Variants in CCT6B observed in about 807,000 individuals in gnomAD.
CCT6B encodes chaperonin containing TCP1 subunit 6B.
CCT6B carries 49 observed loss-of-function variants against 61.5 expected under a neutral mutation model. That is an observed-to-expected ratio of 0.80 (90% CI 0.63 to 1.01). The LOEUF is 1.01. Among genes scored for constraint, CCT6B ranks in the 50% least tolerant of loss-of-function variants. The probability of loss-of-function intolerance (pLI) is 0.00; values close to 1 mark genes in which losing one functional copy is unlikely to be tolerated. For synonymous variants in CCT6B, 228 were observed against 214.5 expected (o/e 1.06, Z -0.55); for missense variants, 666 against 634.7 (o/e 1.05, Z -0.53).
In CCT6B at chr17:34,939,260, G is replaced by A. The variant is rs761838921; in HGVS notation, c.1136C>T (p.Pro379Leu). 27 of 1,613,324 alleles carry A rather than the reference G, an allele frequency of 1.7e-5. No homozygotes were observed. The highest frequency in any genetic ancestry group is 5.0e-5 in the Admixed American group (3 of 59,958). The change falls in exon 10 of 14, where the codon CCA (proline) becomes CTA (leucine). Residue 379 changes from proline to leucine, a missense_variant. Transcript: ENST00000314144. ...GACTTGTGTGAGAGTATGCTTATTT[G>A]GTCCTTTAACCAACAAGGTAACAGA... ...PCSVTLLVKG[P>L]NKHTLTQVKD...
In CCT6B at chr17:34,938,592, G is replaced by A. The variant is rs150292938; in HGVS notation, c.1213+591C>T. Among the ~76,000 whole-genome samples, 236 of 152,018 alleles carry A rather than the reference G, an allele frequency of 1.6e-3. 1 individual carries two copies. Among genetic ancestry groups the A allele is most frequent in the East Asian group, 9.3e-3 (48 of 5,144 alleles). On this transcript the variant is annotated intron_variant, in intron 10 of 13. Transcript: ENST00000314144. ...ATATATGTGAGGTTTGCAGCCAGGC[G>A]CAGTGGCTCATGCCAGTAATCCTAG...
intron 8 of CCT6B, 49 bp downstream of exon 8, chr17:34,940,490 C>T: frequency 1.0e-6 from 1 of 955,006 alleles, no homozygotes; most frequent in Non-Finnish European, 1.6e-6. Context: ...GGGATAGTTT[C>T]CATTTACTCT....
chr17:34,928,002 T>C lies in CCT6B; in HGVS notation c.*46A>G, dbSNP rs1567659935. On this transcript the variant is annotated 3_prime_UTR_variant, in exon 14 of 14. Coordinates refer to ENST00000314144, the MANE Select transcript of CCT6B (RefSeq NM_006584.4). ...TACACAATAGTAGTCAGATGTAAAG[T>C]GTACTAAATTTCATCTTCTAGAAGG... is the stretch of plus-strand genomic sequence containing the variant. 8.1e-6 allele frequency: 11 copies of C among 1,355,920 alleles called. No individual in the cohort carries two copies. The highest frequency in any genetic ancestry group is 8.4e-6 in the Non-Finnish European group (8 of 955,394). The allele number at this position is 1,355,920 out of a possible 1,614,324, so 84.0% of individuals were successfully genotyped here.
In CCT6B at chr17:34,950,625, C is replaced by G. The variant is rs1182005994; in HGVS notation, c.614+1325G>C. On this transcript the variant is annotated intron_variant, in intron 5 of 13. Transcript: ENST00000314144. ...GTAGAAAACCTAATTAGTCCTATAG[C>G]CATTAAGAAAATTGCATGAGTGGGG... Among the ~76,000 whole-genome samples, 7 of 152,226 alleles carry G rather than the reference C, an allele frequency of 4.6e-5. No homozygotes were observed. In the East Asian group the frequency reaches 1.2e-3, roughly 25 times the overall value.
At chr17:34,959,731 G>T in intron 1 of CCT6B, 81 bp from the exon 2 acceptor site, 2 of 962,434 alleles carry the variant, frequency 2.1e-6, no homozygotes, top group Non-Finnish European at 3.3e-6. Flanking sequence ...CTTAATAGAG[G>T]GAACTGGGCT....
chr17:34,958,316 T>G (rs897623106), intron 3 of CCT6B, among the ~76,000 whole-genome samples: 13 of 152,120 alleles, frequency 8.5e-5, no homozygotes, highest in African/African-American at 3.1e-4. Flanking sequence ...TGATGGCGCA[T>G]GCCTGTAATC....
chr17:34,957,346 G>A (rs772711991), intron 3 of CCT6B, among the ~76,000 whole-genome samples: 3 of 151,736 alleles, frequency 2.0e-5, no homozygotes, highest in Non-Finnish European at 4.4e-5. Context: ...GTTTCTCCAC[G>A]TTGGTCAGGC....
At chr17:34,950,658 T>C (rs1343947918) in intron 5 of CCT6B, among the ~76,000 whole-genome samples, 1 of 152,148 alleles carries the variant, frequency 6.6e-6, no homozygotes, top group East Asian at 1.9e-4. Flanking sequence ...GGGCCGGGCG[T>C]GGTGGCTCAC....
chr17:34,929,461 T>G (rs1192174935), intron 12 of CCT6B, among the ~76,000 whole-genome samples: 1 of 151,500 alleles, frequency 6.6e-6, no homozygotes. Context: ...TCTCAAGGTT[T>G]TTTGGGTGTT....
intron 5 of CCT6B, among the ~76,000 whole-genome samples, chr17:34,945,997 C>G (rs370818118): frequency 1.9e-4 from 29 of 152,310 alleles, no homozygotes; most frequent in African/African-American, 6.5e-4. Flanking sequence ...ATGAAAAGCA[C>G]AGAGCTCATC....
chr17:34,928,817 C>T, intron 13 of CCT6B, 145 bp downstream of exon 13: 2 of 515,242 alleles, frequency 3.9e-6, no homozygotes, highest in East Asian at 3.0e-5. Context: ...ATGACAGAAG[C>T]TAGTTCTAAT....
At position 34,954,416 on chromosome 17, in the gene CCT6B, A is replaced by C; in HGVS notation, c.510+10T>G. ...ATATTTGTTCTGAATGCAAAAGTTT[A>C]ATAACATACCTCTGTTAAGACATCA... On this transcript the variant is annotated intron_variant, in intron 4 of 13. Transcript: ENST00000314144. 1.9e-6 allele frequency: 3 copies of C among 1,585,536 alleles called. No homozygotes were observed. The highest frequency in any genetic ancestry group is 2.6e-6 in the Non-Finnish European group (3 of 1,168,866).
intron 3 of CCT6B, among the ~76,000 whole-genome samples, chr17:34,954,908 A>C (rs533126212): frequency 1.3e-5 from 2 of 152,214 alleles, no homozygotes; most frequent in Non-Finnish European, 2.9e-5. Flanking sequence ...ATGCAGAGGA[A>C]AAGAACCACC....
chr17:34,958,447 A>G, intron 3 of CCT6B, 113 bp downstream of exon 3: 1 of 548,044 alleles, frequency 1.8e-6, no homozygotes, highest in Non-Finnish European at 2.8e-6. Context: ...CCATCTCAAA[A>G]TTAATTAATT....
chr17:34,953,339 A>ATT (rs1203370965), intron 4 of CCT6B, among the ~76,000 whole-genome samples: 55 of 142,126 alleles, frequency 3.9e-4, no homozygotes, highest in East Asian at 2.1e-3. Context: ...ATATATATAT[A>ATT]TATTTTTTTG....
At chr17:34,928,904 C>G (rs2090000303) in intron 13 of CCT6B, 58 bp downstream of exon 13, 1 of 995,968 alleles carries the variant, frequency 1.0e-6, no homozygotes, top group Non-Finnish European at 1.5e-6. Flanking sequence ...AAAATTTCAT[C>G]TTAATATTAT....
intron 4 of CCT6B, among the ~76,000 whole-genome samples, chr17:34,953,055 C>G (rs572578279): frequency 2.0e-5 from 3 of 151,512 alleles, no homozygotes; most frequent in South Asian, 2.1e-4. Context: ...TTTTTTTTAA[C>G]GGTAAGGAGA....
rs1187104298 is a variant in CCT6B, at chr17:34,961,278, C to T, written c.116G>A (p.Gly39Asp). The T allele has an allele frequency of 2.5e-6, 4 of 1,611,328 alleles. No homozygotes were observed. The Admixed American group carries it at 5.0e-5, about 20-fold the overall frequency. Residue 39 changes from glycine to aspartate, a missense_variant, in exon 1 of 14, where the codon GGT becomes GAT. Gly to Asp is a moderately conservative substitution (Grantham distance 94, BLOSUM62 -1). Coordinates refer to ENST00000314144, the MANE Select transcript of CCT6B (RefSeq NM_006584.4). ...TCACATTTTCATGGTGCCTTTAGGACCCAAGTTGGTCCGCAGCACATCCTG... is the reference window on the plus strand; with the variant it reads ...TCACATTTTCATGGTGCCTTTAGGATCCAAGTTGGTCCGCAGCACATCCTG... ...GLQDVLRTNLGPKGTMKMLVS... is the reference protein window; with the variant it reads ...GLQDVLRTNLDPKGTMKMLVS...
chr17:34,935,374 T>C (rs2090082346), intron 10 of CCT6B, among the ~76,000 whole-genome samples: 1 of 152,218 alleles, frequency 6.6e-6, no homozygotes, highest in South Asian at 2.1e-4. Context: ...AACACTGAAC[T>C]GTACACTTAA....
Sources: gnomAD v4.1 joint callset for allele counts (sites outside exome capture counted in the v4.1 genomes callset) on GRCh38, gnomAD v4.1.1 for gene constraint, MANE v1.5 for transcripts, NCBI Gene and HGNC (gene_info 2026-07-23, HGNC 2026-07-21) for gene names.